Variants in CAMKK2 observed in about 807,000 individuals in gnomAD.
CAMKK2 encodes the protein calcium/calmodulin dependent protein kinase kinase 2.
Under a neutral mutation model 67.2 loss-of-function variants are expected in CAMKK2, and 30 were observed. The observed-to-expected ratio is 0.45, with a 90% CI of 0.33 to 0.61. The LOEUF (loss-of-function observed/expected upper bound fraction) is 0.61, where lower values mean the gene tolerates loss of function less well. Among genes scored for constraint, CAMKK2 ranks in the 20% least tolerant of loss-of-function variants. The pLI, the probability that CAMKK2 is intolerant of heterozygous loss-of-function variation, is 0.02. For missense variants in CAMKK2, 643 were observed against 802.0 expected, an observed-to-expected ratio of 0.80 and a Z score of 2.39; for synonymous variants, 322 against 326.2, an observed-to-expected ratio of 0.99 and a Z score of 0.14.
intron 1 of CAMKK2, among the ~76,000 whole-genome samples, chr12:121,290,045 G>A (rs564285253): frequency 1.8e-4 from 28 of 152,260 alleles, no homozygotes; most frequent in African/African-American, 6.5e-4. Flanking sequence ...CTAAGAGGGT[G>A]GCTATAGAGT....
At chr12:121,242,380 T>G (rs1367411373) in intron 16 of CAMKK2, among the ~76,000 whole-genome samples, 13 of 146,676 alleles carry the variant, frequency 8.9e-5, no homozygotes, top group African/African-American at 3.0e-4. Context: ...AGAAAGAAAA[T>G]AGGAAAGAAA....
intron 7 of CAMKK2, 31 bp downstream of exon 7, chr12:121,260,288 T>C (rs774810590): frequency 1.3e-6 from 2 of 1,583,546 alleles, no homozygotes; most frequent in East Asian, 4.6e-5. Flanking sequence ...GGTGCCTGGG[T>C]GAGGGTGGCA....
At position 121,285,546 on chromosome 12, in the gene CAMKK2, C is replaced by T. The variant is rs990429843; in HGVS notation, c.-59-10961G>A. ...TGTGTGGGCCAGGCATGGTGGCTCACGCCTGTGCTCCTAGCACTGTGGAAG... is the reference window on the plus strand; with the variant it reads ...TGTGTGGGCCAGGCATGGTGGCTCATGCCTGTGCTCCTAGCACTGTGGAAG... On this transcript the variant is annotated intron_variant, in intron 1 of 16. Transcript: ENST00000404169. The surrounding 1 kb of genome is among the most constrained non-coding windows in gnomAD (Gnocchi z 4.1). Among the ~76,000 whole-genome samples the T allele has an allele frequency of 1.3e-5, 2 of 152,058 alleles. No individual in the cohort carries two copies. The highest frequency in any genetic ancestry group is 1.3e-4 in the Admixed American group (2 of 15,256).
chr12:121,261,120 T>C (rs1028911367), intron 6 of CAMKK2, among the ~76,000 whole-genome samples: 1 of 151,770 alleles, frequency 6.6e-6, no homozygotes, highest in African/African-American at 2.4e-5. Context: ...ACTTTCTCTC[T>C]CTCCAAAGGG....
chr12:121,283,994 C>T (rs1313520706), intron 1 of CAMKK2, among the ~76,000 whole-genome samples: 2 of 152,250 alleles, frequency 1.3e-5, no homozygotes, highest in Non-Finnish European at 2.9e-5. Context: ...GGGACACACT[C>T]ACCAGCACGC....
At chr12:121,277,547 C>CA (rs1425474799) in intron 1 of CAMKK2, among the ~76,000 whole-genome samples, 3 of 152,064 alleles carry the variant, frequency 2.0e-5, no homozygotes, top group Non-Finnish European at 4.4e-5. Flanking sequence ...TATACAGCCA[C>CA]AAAAAAGAAG....
intron 1 of CAMKK2, among the ~76,000 whole-genome samples, chr12:121,282,467 T>G (rs1282758618): frequency 1.3e-5 from 2 of 152,018 alleles, no homozygotes; most frequent in Non-Finnish European, 2.9e-5. Context: ...GAAGTTAAAA[T>G]GAGGTCATTA....
intron 7 of CAMKK2, among the ~76,000 whole-genome samples, chr12:121,259,755 A>T (rs1030109389): frequency 2.0e-5 from 3 of 152,230 alleles, no homozygotes; most frequent in Non-Finnish European, 4.4e-5. Context: ...GTTAAATTAA[A>T]TATAAAATTG....
At chr12:121,290,967 G>A (rs867003033) in intron 1 of CAMKK2, among the ~76,000 whole-genome samples, 2 of 152,124 alleles carry the variant, frequency 1.3e-5, no homozygotes, top group Non-Finnish European at 2.9e-5. Context: ...TTACAGGCGC[G>A]TGTCAACACA....
chr12:121,242,695 C>A (rs1888603581), intron 16 of CAMKK2, among the ~76,000 whole-genome samples: 1 of 152,220 alleles, frequency 6.6e-6, no homozygotes, highest in African/African-American at 2.4e-5. Flanking sequence ...TCCTAGATTA[C>A]CATATAAGCC....
intron 2 of CAMKK2, among the ~76,000 whole-genome samples, chr12:121,273,065 G>C (rs75967865): frequency 0.04 from 6,062 of 152,208 alleles, 368 homozygotes; most frequent in African/African-American, 0.14. Context: ...TTCTGGCTGG[G>C]TGGAGACAGG....
rs202141235 is a variant in CAMKK2 at position 121,255,766 on chromosome 12, G to C, written c.818+17C>G. The C allele has an allele frequency of 7.5e-5, 121 of 1,613,178 alleles. No individual in the cohort carries two copies. The highest frequency in any genetic ancestry group is 5.5e-4 in the Admixed American group (33 of 59,948). The stretch of plus-strand genomic sequence containing the variant: ...GAAGCTTCTTGCATCACCCCTGCTG[G>C]GAGCTGGGACACTCACCCTTGGTTG... On this transcript the variant is annotated intron_variant, in intron 8 of 16. Transcript: ENST00000404169.
At chr12:121,260,074 C>A (rs1346172388) in intron 7 of CAMKK2, among the ~76,000 whole-genome samples, 3 of 152,178 alleles carry the variant, frequency 2.0e-5, no homozygotes, top group East Asian at 1.9e-4. Context: ...CGGAGCAAGA[C>A]CCTGACTCAA....
At chr12:121,243,741 A>G (rs201383483) in intron 16 of CAMKK2, 3 of 481,158 alleles carry the variant, frequency 6.2e-6, no homozygotes, top group Non-Finnish European at 8.6e-6. Flanking sequence ...GACGGTGGTA[A>G]TGGCTGCAGA....
At chr12:121,281,619 A>C (rs1434968310) in intron 1 of CAMKK2, among the ~76,000 whole-genome samples, 1 of 152,218 alleles carries the variant, frequency 6.6e-6, no homozygotes, top group Non-Finnish European at 1.5e-5. Flanking sequence ...CCTCGAGGGG[A>C]CTGACAGTCC....
chr12:121,255,252 A>ATATATATAATTTTATATATATATAATTT (rs1891749332), intron 9 of CAMKK2, among the ~76,000 whole-genome samples: 1 of 47,260 alleles, frequency 2.1e-5, no homozygotes, highest in South Asian at 4.6e-4. Flanking sequence ...ATATATAATT[A>ATATATATAATTTTATATATATATAATTT]TATATATAAT....
In CAMKK2 at chr12:121,253,471, T is replaced by C. The variant is rs2136224818; in HGVS notation, c.909A>G (p.Leu303=). ...CACGGTGGATGATCTTCTGGTAGTGTACTGGGGAGGCGTAGACAGCAGGTG... is the reference window on the plus strand; with the variant it reads ...CACGGTGGATGATCTTCTGGTAGTGCACTGGGGAGGCGTAGACAGCAGGTG... ...FQDLIKGIEY[L]HYQKIIHRDI... The change falls in exon 10 of 17, where the codon TTA becomes TTG. Residue 303 remains leucine (L), a splice_region_variant and synonymous_variant. Coordinates refer to ENST00000404169, the MANE Select transcript of CAMKK2 (RefSeq NM_001270485.2). The surrounding 1 kb of genome is among the most constrained non-coding windows in gnomAD (Gnocchi z 5.0). The C allele has an allele frequency of 6.2e-7, 1 of 1,614,028 alleles. No homozygotes were observed. The highest frequency in any genetic ancestry group is 8.5e-7 in the Non-Finnish European group (1 of 1,179,948).
intron 1 of CAMKK2, among the ~76,000 whole-genome samples, chr12:121,276,728 A>G (rs1263992631): frequency 6.6e-6 from 1 of 152,082 alleles, no homozygotes; most frequent in South Asian, 2.1e-4. Flanking sequence ...TCTACTAAAA[A>G]TACAACAATA....
chr12:121,297,570 C>A, upstream of CAMKK2: 1 of 515,346 alleles, frequency 1.9e-6, no homozygotes, highest in Non-Finnish European at 3.9e-6. Flanking sequence ...CGTTGGATCC[C>A]CCAGCTGGAT....
Sources: allele counts gnomAD v4.1 joint callset (sites outside exome capture counted in the v4.1 genomes callset), GRCh38; gene constraint gnomAD v4.1.1; non-coding constraint Gnocchi (gnomAD v3.1); transcripts MANE v1.5; gene names NCBI Gene and HGNC (gene_info 2026-07-23, HGNC 2026-07-21).